TFEC: variants seen among roughly 807,000 people sequenced by gnomAD.
TFEC encodes class E basic helix-loop-helix protein 34.
TFEC carries 31 observed loss-of-function variants against 41.6 expected under a neutral mutation model. The ratio of observed to expected loss-of-function variants is 0.74; its 90% CI spans 0.56 to 1.01. TFEC has a LOEUF of 1.01. TFEC is among the 50% of genes least tolerant of loss of function. The probability of loss-of-function intolerance (pLI) is 0.00; values close to 1 mark genes in which losing one functional copy is unlikely to be tolerated. For missense variants in TFEC, 402 were observed against 404.1 expected (o/e 0.99, Z 0.04); for synonymous variants, 143 against 140.6 (o/e 1.02, Z -0.12).
intron 3 of TFEC, among the ~76,000 whole-genome samples, chr7:116,044,110 T>C (rs1335855118): frequency 1.3e-5 from 2 of 152,196 alleles, no homozygotes; most frequent in Admixed American, 1.3e-4. Context: ...TCTTTCACTG[T>C]GAAAGATGTT....
intron 1 of TFEC, among the ~76,000 whole-genome samples, chr7:116,009,704 T>C (rs998806678): frequency 9.9e-5 from 15 of 152,140 alleles, no homozygotes; most frequent in Non-Finnish European, 1.8e-4. Flanking sequence ...AAGTCAGTTC[T>C]TGCTAGTAAA....
intron 3 of TFEC, among the ~76,000 whole-genome samples, chr7:116,072,417 T>C (rs913577541): frequency 2.0e-5 from 3 of 151,582 alleles, no homozygotes; most frequent in African/African-American, 4.8e-5. Context: ...AAATGCATTA[T>C]TTTTATGCTT....
intron 1 of TFEC, among the ~76,000 whole-genome samples, chr7:115,993,178 A>T (rs529576340): frequency 1.6e-4 from 25 of 152,342 alleles, no homozygotes; most frequent in Non-Finnish European, 3.1e-4. Flanking sequence ...AAAAACTCTC[A>T]ATAAACTAGG....
chr7:115,981,922 C>T (rs1364120508), intron 2 of TFEC, among the ~76,000 whole-genome samples: 1 of 152,130 alleles, frequency 6.6e-6, no homozygotes, highest in Non-Finnish European at 1.5e-5. Context: ...TATGGGGATA[C>T]TGAAGGATAA....
At chr7:116,022,522 G>C (rs1195330235) in intron 1 of TFEC, among the ~76,000 whole-genome samples, 2 of 152,018 alleles carry the variant, frequency 1.3e-5, no homozygotes, top group African/African-American at 4.8e-5. Flanking sequence ...TCTTTATAAT[G>C]AATAAAATTA....
intron 6 of TFEC, among the ~76,000 whole-genome samples, chr7:115,950,403 T>C (rs1264815457): frequency 6.6e-6 from 1 of 152,170 alleles, no homozygotes. Flanking sequence ...GCACAAAGCC[T>C]GGTCAGCATC....
At chr7:115,994,770 A>G (rs1219805973) in intron 1 of TFEC, among the ~76,000 whole-genome samples, 1 of 152,222 alleles carries the variant, frequency 6.6e-6, no homozygotes, top group African/African-American at 2.4e-5. Flanking sequence ...TAGTTCAACC[A>G]TTGTGGAAGA....
intron 2 of TFEC, among the ~76,000 whole-genome samples, chr7:115,975,469 T>A (rs530261066): frequency 8.5e-5 from 13 of 152,104 alleles, no homozygotes; most frequent in African/African-American, 3.1e-4. Context: ...CTTAAGAGAA[T>A]TGAGTGTTCG....
intron 3 of TFEC, among the ~76,000 whole-genome samples, chr7:116,092,134 T>A (rs1317371384): frequency 1.3e-5 from 2 of 152,150 alleles, no homozygotes; most frequent in East Asian, 3.8e-4. Context: ...GGACCTTTTT[T>A]ACCTATTAAT....
intron 1 of TFEC, among the ~76,000 whole-genome samples, chr7:116,127,757 A>C (rs1798246211): frequency 6.6e-6 from 1 of 151,954 alleles, no homozygotes. Context: ...AAGAAGACAT[A>C]AATTTGAGCC....
chr7:116,134,916 C>T (rs550993716), intron 1 of TFEC, among the ~76,000 whole-genome samples: 4 of 152,112 alleles, frequency 2.6e-5, no homozygotes, highest in African/African-American at 4.8e-5. Flanking sequence ...TGCTCAAATA[C>T]GTTGCACATT....
intron 3 of TFEC, among the ~76,000 whole-genome samples, chr7:115,973,780 C>T (rs143262193): frequency 5.9e-4 from 89 of 151,986 alleles, no homozygotes; most frequent in African/African-American, 2.0e-3. Context: ...AGGTATAGAG[C>T]CTCTAAATCT....
intron 1 of TFEC, among the ~76,000 whole-genome samples, chr7:116,009,123 T>C (rs1362220827): frequency 2.6e-5 from 4 of 152,186 alleles, no homozygotes; most frequent in Non-Finnish European, 5.9e-5. Context: ...CTACCTCCAT[T>C]TATACATGCA....
intron 1 of TFEC, among the ~76,000 whole-genome samples, chr7:116,154,409 GTAAC>G (rs1054678801): frequency 1.3e-5 from 2 of 152,012 alleles, no homozygotes; most frequent in Non-Finnish European, 2.9e-5. Flanking sequence ...GAAGGAGTAC[GTAAC>G]TAACATGTAC....
chr7:116,075,269 T>C (rs6965778), intron 3 of TFEC, among the ~76,000 whole-genome samples: 79,062 of 151,976 alleles, frequency 0.52, 21,578 homozygotes, highest in East Asian at 0.8. Context: ...GGCGGACAGG[T>C]GGCAGGACTA....
At chr7:116,012,222 C>T (rs1314843566) in intron 1 of TFEC, among the ~76,000 whole-genome samples, 1 of 152,120 alleles carries the variant, frequency 6.6e-6, no homozygotes, top group African/African-American at 2.4e-5. Context: ...CAAAAAAGTT[C>T]ATCTGATTGC....
At chr7:116,081,818 G>C (rs1006404489) in intron 3 of TFEC, among the ~76,000 whole-genome samples, 2 of 151,926 alleles carry the variant, frequency 1.3e-5, no homozygotes, top group Non-Finnish European at 1.5e-5. Flanking sequence ...GTAGCTTTTC[G>C]AACACTGTAT....
chr7:116,099,800 T>C (rs991418512), intron 3 of TFEC, among the ~76,000 whole-genome samples: 36 of 152,216 alleles, frequency 2.4e-4, no homozygotes, highest in Non-Finnish European at 1.0e-4. Context: ...ATTGCAACAA[T>C]GCGTAACTAA....
chr7:115,992,750 T>G (rs912058384), intron 1 of TFEC, among the ~76,000 whole-genome samples: 10 of 152,092 alleles, frequency 6.6e-5, no homozygotes, highest in African/African-American at 2.4e-4. Context: ...ACCAGATGGA[T>G]TCACAGCCGA....
Sources: gnomAD v4.1 joint callset for allele counts (sites outside exome capture counted in the v4.1 genomes callset) on GRCh38, gnomAD v4.1.1 for gene constraint, MANE v1.5 for transcripts, NCBI Gene and HGNC (gene_info 2026-07-23, HGNC 2026-07-21) for gene names.